Variants in SMAD6 observed in about 807,000 individuals in gnomAD.
SMAD6 encodes the protein SMAD family member 6, also known as MAD homolog 6.
A neutral mutation model predicts 39.4 loss-of-function variants in SMAD6; 103 were observed. That is an observed-to-expected ratio of 2.62 (90% CI 2.23 to 3.08). The LOEUF (loss-of-function observed/expected upper bound fraction) is 3.08. Among genes scored for constraint, SMAD6 ranks in the 30% most tolerant of loss-of-function variants. The pLI, the probability that SMAD6 is intolerant of heterozygous loss-of-function variation, is 0.00. For synonymous variants in SMAD6, 445 were observed against 353.3 expected (o/e 1.26, Z -2.91); for missense variants, 1,104 against 742.9 (o/e 1.49, Z -5.65).
chr15:66,781,245 TG>T lies in SMAD6; in HGVS notation c.1204del (p.Ala402ProfsTer137). On this transcript the variant is annotated frameshift_variant, in exon 4 of 4. Transcript: ENST00000288840. LOFTEE classifies it high-confidence loss of function. Reference sequence around the variant, plus strand: ...GCTCAGCAAGGAGCCCGACGGCGTGTGGGCCTACAACCGCGGCGAGCACCCC... The same window carrying T: ...GCTCAGCAAGGAGCCCGACGGCGTGTGGCCTACAACCGCGGCGAGCACCCC... ...ILLSKEPDGVWAYNRGEHPIF... is the reference protein window; with the variant it reads ...ILLSKEPDGVXAYNRGEHPIF... The T allele has an allele frequency of 6.2e-7, 1 of 1,608,670 alleles. No homozygotes were observed. Among genetic ancestry groups the T allele is most frequent in the Non-Finnish European group, 8.5e-7 (1 of 1,179,560 alleles).
chr15:66,719,706 G>C (rs985606654), intron 3 of SMAD6, among the ~76,000 whole-genome samples: 1 of 152,214 alleles, frequency 6.6e-6, no homozygotes, highest in Non-Finnish European at 1.5e-5. Context: ...TGGGCCTCTT[G>C]AGGCTTAGTC....
chr15:66,758,845 G>A (rs1353556285), intron 3 of SMAD6, among the ~76,000 whole-genome samples: 3 of 152,238 alleles, frequency 2.0e-5, no homozygotes, highest in African/African-American at 7.2e-5. Flanking sequence ...AATCTAAAGG[G>A]AATGGGAAAA....
Position 66,781,377 on chromosome 15 carries a change from G to C in SMAD6, c.1333G>C (p.Gly445Arg). 6.2e-7 allele frequency: 1 copy of C among 1,601,624 alleles called. No homozygotes were observed. The highest frequency in any genetic ancestry group is 1.3e-5 in the African/African-American group (1 of 74,890). ...SIKVFDFERS[G>R]LQHAPEPDAA... ...CAAGGTGTTCGACTTCGAGCGCTCG[G>C]GCCTGCAGCACGCGCCCGAGCCCGA... Residue 445 changes from glycine to arginine, a missense_variant, in exon 4 of 4, where the codon GGC becomes CGC. Coordinates refer to ENST00000288840, the MANE Select transcript of SMAD6 (RefSeq NM_005585.5).
intron 3 of SMAD6, among the ~76,000 whole-genome samples, chr15:66,729,283 C>T (rs116262489): frequency 0.016 from 2,508 of 152,276 alleles, 70 homozygotes; most frequent in African/African-American, 0.052. Context: ...TTTTAAGCTC[C>T]ATAATGTCCT....
At chr15:66,713,354 C>T (rs1339507853) in intron 2 of SMAD6, among the ~76,000 whole-genome samples, 2 of 152,188 alleles carry the variant, frequency 1.3e-5, no homozygotes, top group Non-Finnish European at 2.9e-5. Context: ...GAGTCTCGCT[C>T]TGTCACCCAG....
chr15:66,703,514 G>T lies in SMAD6; in HGVS notation c.256G>T (p.Ala86Ser). The T allele has an allele frequency of 8.2e-7, 1 of 1,223,260 alleles. No individual in the cohort carries two copies. Among genetic ancestry groups the T allele is most frequent in the Non-Finnish European group, 1.0e-6 (1 of 979,680 alleles). The allele number at this position is 1,223,260 out of a possible 1,614,324, so 75.8% of individuals were successfully genotyped here. A position where few individuals can be genotyped will look rare whatever the true frequency, so the allele number is the denominator to read the frequency against. The stretch of plus-strand genomic sequence containing the variant: ...CCAGGGCGCGGGGAGGCGCCGGCGC[G>T]CAGGGGGCCCCCCGAGGCCCATGTC... The part of the protein sequence containing the change: ...GAQGAGRRRR[A>S]GGPPRPMSEP... Residue 86 changes from alanine (A) to serine (S), a missense_variant, in exon 1 of 4, where the codon GCA (alanine) becomes TCA (serine). Coordinates refer to ENST00000288840, the MANE Select transcript of SMAD6 (RefSeq NM_005585.5).
chr15:66,745,096 A>G (rs1384161390), intron 3 of SMAD6, among the ~76,000 whole-genome samples: 2 of 152,052 alleles, frequency 1.3e-5, no homozygotes, highest in Non-Finnish European at 2.9e-5. Context: ...TGCCCTCCCC[A>G]AAACCTCTTA....
At chr15:66,738,392 C>T (rs963174953) in intron 3 of SMAD6, among the ~76,000 whole-genome samples, 1 of 152,216 alleles carries the variant, frequency 6.6e-6, no homozygotes, top group Non-Finnish European at 1.5e-5. Context: ...CACTCTCATA[C>T]ACGAATCTGT....
chr15:66,750,634 G>C (rs576735659), intron 3 of SMAD6, among the ~76,000 whole-genome samples: 4 of 152,000 alleles, frequency 2.6e-5, no homozygotes, highest in African/African-American at 9.7e-5. Flanking sequence ...GAGGCGGGGG[G>C]TTGACCAGGA....
At chr15:66,778,135 T>C (rs1894498613) in intron 3 of SMAD6, among the ~76,000 whole-genome samples, 1 of 151,418 alleles carries the variant, frequency 6.6e-6, no homozygotes, top group Non-Finnish European at 1.5e-5. Context: ...CAGATTGGAA[T>C]GCAGTAGCAC....
intron 3 of SMAD6, among the ~76,000 whole-genome samples, chr15:66,753,402 T>C (rs1231213384): frequency 6.6e-6 from 1 of 152,216 alleles, no homozygotes; most frequent in African/African-American, 2.4e-5. Flanking sequence ...CAGTGGCACC[T>C]CCTTGTTCCT....
At chr15:66,717,042 G>A (rs560075093) in intron 3 of SMAD6, 39 of 1,289,398 alleles carry the variant, frequency 3.0e-5, no homozygotes, top group Middle Eastern at 2.1e-4. Flanking sequence ...CGAGGGAACC[G>A]TGGTTTGGAG....
chr15:66,723,690 C>A (rs893906), intron 3 of SMAD6, among the ~76,000 whole-genome samples: 30,843 of 151,946 alleles, frequency 0.2, 3,411 homozygotes, highest in African/African-American at 0.3. Flanking sequence ...AAGTAAGAAA[C>A]ATAAAAATTA....
chr15:66,704,019 C>A lies in SMAD6; in HGVS notation c.761C>A (p.Ala254Asp), dbSNP rs529866697. Residue 254 changes from alanine (A) to aspartate (D), a missense_variant, in exon 1 of 4, where the codon GCC becomes GAC. By Grantham distance (126) the Ala-to-Asp change is moderately radical. Transcript: ENST00000288840. ...LCGCHSFAAA[A>D]DGPTVCCNPY... ...GGCTGCCACAGCTTCGCCGCCGCCG[C>A]CGACGGCCCTACCGTGTGCTGCAAC... 49 of 1,504,832 alleles carry A rather than the reference C, an allele frequency of 3.3e-5. No homozygotes were observed. In the Admixed American group the frequency reaches 9.8e-4, roughly 30 times the overall value. 93.2% of individuals were successfully genotyped at this position (1,504,832 alleles called of 1,614,324 possible).
In SMAD6 at chr15:66,781,335, C is replaced by T. The variant is rs1401189015; in HGVS notation, c.1291C>T (p.Pro431Ser). The T allele has an allele frequency of 3.8e-6, 6 of 1,597,924 alleles. No homozygotes were observed. The highest frequency in any genetic ancestry group is 5.1e-6 in the Non-Finnish European group (6 of 1,173,758). The change falls in exon 4 of 4, where the codon CCC becomes TCC. Residue 431 changes from proline (P) to serine (S), a missense_variant. By Grantham distance (74) the Pro-to-Ser change is moderately conservative. Coordinates refer to ENST00000288840, the MANE Select transcript of SMAD6 (RefSeq NM_005585.5). The part of the protein sequence containing the change: ...GGRALVVRKV[P>S]PGYSIKVFDF... ...CCGCGCCCTGGTCGTGCGCAAGGTG[C>T]CCCCCGGCTACTCCATCAAGGTGTT...
At chr15:66,728,926 T>A (rs950431635) in intron 3 of SMAD6, among the ~76,000 whole-genome samples, 17 of 152,132 alleles carry the variant, frequency 1.1e-4, no homozygotes, top group South Asian at 2.1e-4. Context: ...CTTGGGTACA[T>A]ACCTGGGAGT....
chr15:66,779,681 GTGT>G (rs1305686182), intron 3 of SMAD6, among the ~76,000 whole-genome samples: 3 of 152,264 alleles, frequency 2.0e-5, no homozygotes, highest in Admixed American at 6.5e-5. Context: ...GCTGTTAGAA[GTGT>G]TGTCCTCTGG....
Position 66,781,195 on chromosome 15 carries a change from G to T in SMAD6, c.1151G>T (p.Arg384Leu), listed in dbSNP as rs748124400. 1 of 1,608,048 alleles carries T rather than the reference G, an allele frequency of 6.2e-7. No homozygotes were observed. Among genetic ancestry groups the T allele is most frequent in the Non-Finnish European group, 8.5e-7 (1 of 1,179,704 alleles). Residue 384 changes from arginine (R) to leucine (L), a missense_variant, in exon 4 of 4, where the codon CGC (arginine) becomes CTC (leucine). Arg to Leu is a moderately radical substitution (Grantham distance 102). Coordinates refer to ENST00000288840, the MANE Select transcript of SMAD6 (RefSeq NM_005585.5). Reference sequence around the variant, plus strand: ...CGCAGCGAGTCGGTGCGGCGAACGCGCAGCAAGATCGGCTTCGGCATCCTG... The same window carrying T: ...CGCAGCGAGTCGGTGCGGCGAACGCTCAGCAAGATCGGCTTCGGCATCCTG... ...EQRSESVRRT[R>L]SKIGFGILLS...
intron 1 of SMAD6, chr15:66,706,871 C>T (rs1595759816): frequency 1.3e-5 from 2 of 152,320 alleles, no homozygotes; most frequent in African/African-American, 4.8e-5. Context: ...GGGCTAGTTT[C>T]CTCTTTGGGC....
Sources: gnomAD v4.1 joint callset for allele counts (sites outside exome capture counted in the v4.1 genomes callset) on GRCh38, gnomAD v4.1.1 for gene constraint, MANE v1.5 for transcripts, NCBI Gene and HGNC (gene_info 2026-07-23, HGNC 2026-07-21) for gene names.